NAALADL2: variants seen among roughly 807,000 people sequenced by gnomAD.
NAALADL2 encodes inactive N-acetylated-alpha-linked acidic dipeptidase-like protein 2.
A neutral mutation model predicts 87.2 loss-of-function variants in NAALADL2; 76 were observed. That is an observed-to-expected ratio of 0.87 (90% confidence interval 0.72 to 1.05). NAALADL2 has a LOEUF of 1.05. Among genes scored for constraint, NAALADL2 ranks in the 50% least tolerant of loss-of-function variants. The pLI is 0.00. For synonymous variants in NAALADL2, 354 were observed against 331.0 expected (o/e 1.07, Z -0.75); for missense variants, 1,089 against 945.8 (o/e 1.15, Z -1.99).
chr3:174,734,493 C>T (rs1172002334), intron 2 of NAALADL2, among the ~76,000 whole-genome samples: 10 of 152,172 alleles, frequency 6.6e-5, no homozygotes, highest in Admixed American at 6.5e-4. Context: ...CAGATCGTCT[C>T]CTTCTTGTCA....
At chr3:175,350,726 G>T (rs1763667567) in intron 5 of NAALADL2, among the ~76,000 whole-genome samples, 1 of 152,158 alleles carries the variant, frequency 6.6e-6, no homozygotes, top group African/African-American at 2.4e-5. Flanking sequence ...AGACATGTGT[G>T]TGGAAGAGCC....
chr3:175,084,696 C>T (rs187090978), intron 1 of NAALADL2, among the ~76,000 whole-genome samples: 4 of 152,054 alleles, frequency 2.6e-5, no homozygotes, highest in East Asian at 1.9e-4. Flanking sequence ...TTCAAAGTTA[C>T]GCATTTAGTC....
intron 3 of NAALADL2, among the ~76,000 whole-genome samples, chr3:175,250,247 CTT>C (rs1748804071): frequency 9.6e-6 from 1 of 104,700 alleles, no homozygotes; most frequent in African/African-American, 3.8e-5. Flanking sequence ...TTTTCTCTCA[CTT>C]TTTCTGTGTG....
chr3:175,250,084 C>T (rs967001109), intron 3 of NAALADL2, among the ~76,000 whole-genome samples: 34 of 151,410 alleles, frequency 2.2e-4, no homozygotes, highest in African/African-American at 7.3e-4. Flanking sequence ...GCAGGAGAAT[C>T]GCTTGAACCC....
intron 2 of NAALADL2, among the ~76,000 whole-genome samples, chr3:175,106,436 A>G (rs1379356285): frequency 1.3e-5 from 2 of 152,072 alleles, no homozygotes; most frequent in African/African-American, 4.8e-5. Context: ...TTTTTCTTGT[A>G]TCTTTTTCCT....
intron 4 of NAALADL2, among the ~76,000 whole-genome samples, chr3:175,311,647 TCTCC>T (rs1261204034): frequency 7.4e-6 from 1 of 134,910 alleles, no homozygotes; most frequent in Non-Finnish European, 1.6e-5. Flanking sequence ...TCCCTTCCTC[TCTCC>T]CTCCCTCCCT....
At chr3:174,725,700 G>T (rs1314022455) in intron 2 of NAALADL2, among the ~76,000 whole-genome samples, 2 of 152,096 alleles carry the variant, frequency 1.3e-5, no homozygotes, top group Non-Finnish European at 2.9e-5. Context: ...ATGATTCCTG[G>T]GATGTGGTAT....
intron 9 of NAALADL2, among the ~76,000 whole-genome samples, chr3:175,478,714 A>G (rs956784248): frequency 6.6e-6 from 1 of 151,928 alleles, no homozygotes; most frequent in Non-Finnish European, 1.5e-5. Flanking sequence ...GGTACACTGG[A>G]CACAGGCCTC....
In NAALADL2 at chr3:175,545,752, A is replaced by G. The variant is rs559360233; in HGVS notation, c.1654-30289A>G. 7.9e-5 allele frequency among the ~76,000 whole-genome samples: 12 copies of G among 152,324 alleles called. No homozygotes were observed. The East Asian group carries it at 2.3e-3, about 29-fold the overall frequency. On this transcript the variant is annotated intron_variant, in intron 9 of 13. Coordinates refer to ENST00000454872, the MANE Select transcript of NAALADL2 (RefSeq NM_207015.3). The stretch of plus-strand genomic sequence containing the variant: ...CTGTTAAATGCCAACTTACATGAAC[A>G]TGAATATTAATATTCTCAACACATC...
intron 2 of NAALADL2, among the ~76,000 whole-genome samples, chr3:174,663,056 C>A (rs1725651531): frequency 6.6e-6 from 1 of 151,806 alleles, no homozygotes; most frequent in Non-Finnish European, 1.5e-5. Flanking sequence ...CAATTGTTTA[C>A]AAAGCATTAT....
At chr3:174,954,333 G>C (rs1474185037) in intron 1 of NAALADL2, among the ~76,000 whole-genome samples, 1 of 152,048 alleles carries the variant, frequency 6.6e-6, no homozygotes, top group African/African-American at 2.4e-5. Flanking sequence ...CTCCATTAAA[G>C]GTTAAATTTG....
chr3:175,383,147 A>G (rs1767980927), intron 5 of NAALADL2, among the ~76,000 whole-genome samples: 3 of 152,172 alleles, frequency 2.0e-5, no homozygotes, highest in Middle Eastern at 3.4e-3. Flanking sequence ...TTGGGATATC[A>G]TTACCTCAAG....
rs199649352 is a variant in NAALADL2, at chr3:175,068,943, G to T, written c.44-27847G>T. ...TATATGTTGGTTAAATTCCCCATACGCCACTTATGTTTTAATTGTTTGGGG... is the reference window on the plus strand; with the variant it reads ...TATATGTTGGTTAAATTCCCCATACTCCACTTATGTTTTAATTGTTTGGGG... On this transcript the variant is annotated intron_variant, in intron 1 of 13. Coordinates refer to ENST00000454872, the MANE Select transcript of NAALADL2 (RefSeq NM_207015.3). Among the ~76,000 whole-genome samples the T allele has an allele frequency of 3.3e-5, 5 of 151,964 alleles. No homozygotes were observed. The East Asian group carries it at 9.7e-4, about 29-fold the overall frequency.
intron 2 of NAALADL2, among the ~76,000 whole-genome samples, chr3:175,118,371 A>C (rs1725615497): frequency 6.6e-6 from 1 of 151,772 alleles, no homozygotes; most frequent in South Asian, 2.1e-4. Context: ...TGTATCAATA[A>C]TGAGTATGCT....
At chr3:175,588,719 T>G (rs927893662) in intron 10 of NAALADL2, among the ~76,000 whole-genome samples, 7 of 152,018 alleles carry the variant, frequency 4.6e-5, no homozygotes, top group Non-Finnish European at 8.8e-5. Context: ...TTTGTATTTT[T>G]GGTAGAGATG....
chr3:175,184,513 G>A (rs1737049790), intron 2 of NAALADL2, among the ~76,000 whole-genome samples: 1 of 151,748 alleles, frequency 6.6e-6, no homozygotes, highest in Non-Finnish European at 1.5e-5. Flanking sequence ...TTCTCCGGAA[G>A]TACTGAGGGG....
chr3:175,694,185 A>G (rs1329274392), intron 11 of NAALADL2, among the ~76,000 whole-genome samples: 3 of 152,186 alleles, frequency 2.0e-5, no homozygotes, highest in Non-Finnish European at 4.4e-5. Context: ...GGTACAATAT[A>G]GACATTATAT....
chr3:175,590,075 G>T (rs1412999725), intron 10 of NAALADL2, among the ~76,000 whole-genome samples: 3 of 151,998 alleles, frequency 2.0e-5, no homozygotes, highest in Admixed American at 1.3e-4. Flanking sequence ...AGCCGGGCGT[G>T]GTGGCGGGCG....
chr3:175,786,714 T>A (rs992247294), intron 13 of NAALADL2, among the ~76,000 whole-genome samples: 3 of 152,238 alleles, frequency 2.0e-5, no homozygotes, highest in African/African-American at 7.2e-5. Context: ...AAAGTCATTC[T>A]CCATCCAGCT....
Sources: allele counts gnomAD v4.1 joint callset (sites outside exome capture counted in the v4.1 genomes callset), GRCh38; gene constraint gnomAD v4.1.1; transcripts MANE v1.5; gene names NCBI Gene and HGNC (gene_info 2026-07-23, HGNC 2026-07-21).